The following KCNAB2 variants were observed in gnomAD, a reference collection of about 807,000 sequenced individuals.
KCNAB2 encodes potassium voltage-gated channel subfamily A regulatory beta subunit 2.
KCNAB2 carries 29 observed loss-of-function variants against 63.6 expected under a neutral mutation model. The observed-to-expected ratio is 0.46, with a 90% CI of 0.34 to 0.62. The LOEUF (loss-of-function observed/expected upper bound fraction) is 0.62, where lower values mean the gene tolerates loss of function less well. Ranked by LOEUF, KCNAB2 falls within the 20% of genes least tolerant of loss-of-function variation. KCNAB2 has a pLI of 0.01. For missense variants in KCNAB2, 359 were observed against 563.9 expected, an observed-to-expected ratio of 0.64 and a Z score of 3.68; for synonymous variants, 222 against 224.2, an observed-to-expected ratio of 0.99 and a Z score of 0.09.
chr1:6,021,248 A>G (rs532972904), intron 1 of KCNAB2, among the ~76,000 whole-genome samples: 1 of 152,030 alleles, frequency 6.6e-6, no homozygotes, highest in Non-Finnish European at 1.5e-5. Context: ...TCCACCCACC[A>G]CGGGCTCCCA....
intron 1 of KCNAB2, among the ~76,000 whole-genome samples, chr1:6,016,526 A>C (rs1658510150): frequency 6.6e-6 from 1 of 152,246 alleles, no homozygotes; most frequent in Admixed American, 6.5e-5. Flanking sequence ...AGGCGTTTTC[A>C]CGAGGCCTGT....
chr1:6,054,134 T>TA (rs1372779622), intron 2 of KCNAB2, among the ~76,000 whole-genome samples: 1 of 151,940 alleles, frequency 6.6e-6, no homozygotes, highest in East Asian at 1.9e-4. Context: ...AATGGGGCCA[T>TA]ACAAGACTAG....
At chr1:6,062,092 C>T (rs960109625) in intron 2 of KCNAB2, among the ~76,000 whole-genome samples, 32 of 152,142 alleles carry the variant, frequency 2.1e-4, no homozygotes, top group African/African-American at 7.7e-4. Context: ...GCAGGCGGAT[C>T]GCCTGAGGTC....
chr1:6,086,295 T>A lies in KCNAB2; in HGVS notation c.425+1047T>A. On this transcript the variant is annotated intron_variant, in intron 6 of 15. Transcript: ENST00000378083. The surrounding 1 kb of genome is among the most constrained non-coding windows in gnomAD (Gnocchi z 4.2). ...ACCCCTTCCTCTTGTCCCATCAAAT[T>A]TGTTTTTTGGCAACTCTGATCCCAA... 5 of 985,168 alleles carry A rather than the reference T, an allele frequency of 5.1e-6. No individual in the cohort carries two copies. The highest frequency in any genetic ancestry group is 6.0e-6 in the Non-Finnish European group (5 of 829,822). The allele number at this position is 985,168 out of a possible 1,614,324, so 61.0% of individuals were successfully genotyped here.
intron 1 of KCNAB2, among the ~76,000 whole-genome samples, chr1:6,036,730 T>C (rs1351865621): frequency 2.0e-5 from 3 of 148,932 alleles, no homozygotes. Context: ...ATCGTGTCGC[T>C]GTGTGTGGAA....
At chr1:6,008,742 T>A (rs894358185) in intron 1 of KCNAB2, among the ~76,000 whole-genome samples, 5 of 150,670 alleles carry the variant, frequency 3.3e-5, no homozygotes, top group African/African-American at 9.8e-5. Context: ...GCTGAGGGAG[T>A]GAGGCCCCCG....
At chr1:6,037,820 CA>C (rs1368593894) in intron 1 of KCNAB2, among the ~76,000 whole-genome samples, 1 of 151,278 alleles carries the variant, frequency 6.6e-6, no homozygotes, top group Non-Finnish European at 1.5e-5. Flanking sequence ...CTTGGCCTCC[CA>C]AAGTTCTGGG....
rs1007483836 is a variant in KCNAB2 at position 6,028,303 on chromosome 1, C to T, written c.-52-12214C>T. On this transcript the variant is annotated intron_variant, in intron 1 of 16. Transcript: ENST00000341524. This position sits in a 1 kb window ranked among gnomAD's most constrained non-coding sequence, Gnocchi z 4.0. ...GAGCAGTTATACCTCTTCCTGTCTC[C>T]GCTGGAAGCACAGTCACTGCCATGG... Among the ~76,000 whole-genome samples the T allele has an allele frequency of 2.0e-5, 3 of 152,214 alleles. No homozygotes were observed. Among genetic ancestry groups the T allele is most frequent in the Non-Finnish European group, 2.9e-5 (2 of 68,042 alleles).
At chr1:6,064,972 G>A (rs1662618057) in intron 2 of KCNAB2, among the ~76,000 whole-genome samples, 1 of 152,198 alleles carries the variant, frequency 6.6e-6, no homozygotes, top group Non-Finnish European at 1.5e-5. Flanking sequence ...TACTGGGAGT[G>A]TTGGAATCTC....
In KCNAB2 at chr1:6,073,763, C is replaced by T; in HGVS notation, c.293C>T (p.Thr98Ile). The T allele has an allele frequency of 6.2e-7, 1 of 1,614,146 alleles. No homozygotes were observed. The highest frequency in any genetic ancestry group is 8.5e-7 in the Non-Finnish European group (1 of 1,179,990). The change falls in exon 4 of 16, where the codon ACC (threonine) becomes ATC (isoleucine). Residue 98 changes from threonine to isoleucine, a missense_variant. Around this residue, in one of 2 missense-constraint regions of KCNAB2, gnomAD observed 271 missense variants for 476.1 expected, o/e 0.57. Coordinates refer to ENST00000378083, the MANE Select transcript of KCNAB2 (RefSeq NM_001199862.2). This position sits in a 1 kb window ranked among gnomAD's most constrained non-coding sequence, Gnocchi z 5.7. Reference protein sequence around the residue: ...GTWVTFGGQITDEMAEQLMTL... With the variant: ...GTWVTFGGQIIDEMAEQLMTL... ...TGGGTGACCTTCGGAGGCCAGATCA[C>T]CGATGAGGTAAGATGGGGCTCTCCC...
Position 6,091,279 on chromosome 1 carries a change from C to T in KCNAB2, c.618C>T (p.Ser206=). 6.5e-7 allele frequency: 1 copy of T among 1,534,060 alleles called. No homozygotes were observed. Residue 206 remains serine (S), a synonymous_variant, in exon 10 of 16, where the codon TCC becomes TCT. Coordinates refer to ENST00000378083, the MANE Select transcript of KCNAB2 (RefSeq NM_001199862.2). ...NTPMEGDPFS[S]SKSRTFIIEE... ...TATCACCAGGGGACCCATTTAGTTC[C>T]TCCAAGTCAAGGACATTCATCATAG...
Position 6,090,563 on chromosome 1 carries a change from C to A in KCNAB2, c.601+88C>A, listed in dbSNP as rs544645871. ...GGGTTGTAGAGGCCGCCAGCATGGG[C>A]CCTGCTGGGCACCCGGGTGAGCCGT... On this transcript the variant is annotated intron_variant, in intron 9 of 15. Transcript: ENST00000378083. 1.4e-3 allele frequency: 1,365 copies of A among 1,001,512 alleles called. 10 individuals are homozygous for A. The highest frequency in any genetic ancestry group is 9.7e-4 in the Non-Finnish European group (639 of 656,080). The allele number at this position is 1,001,512 out of a possible 1,614,324, so 62.0% of individuals were successfully genotyped here.
At chr1:6,012,050 GGGTGGAGGTGATGAA>G (rs1331736362) in intron 1 of KCNAB2, among the ~76,000 whole-genome samples, 262 of 151,576 alleles carry the variant, frequency 1.7e-3, no homozygotes, top group African/African-American at 4.6e-3. Flanking sequence ...TGGAGGTGGT[GGGTGGAGGTGATGAA>G]GGTGGAGGTG....
Position 6,095,575 on chromosome 1 carries a change from CTGGCAAGTACGACAG to C in KCNAB2, c.905_919del (p.Lys302_Gly306del). On this transcript the variant is annotated inframe_deletion, in exon 13 of 16. Transcript: ENST00000378083. Reference sequence around the variant, plus strand: ...TCCCCTCTGGCCTGTGGCATTGTTTCTGGCAAGTACGACAGTGGCATCCCACCCTACTCAAGAGCC... The same window carrying C: ...TCCCCTCTGGCCTGTGGCATTGTTTCTGGCATCCCACCCTACTCAAGAGCC... The C allele has an allele frequency of 6.2e-7, 1 of 1,611,594 alleles. No homozygotes were observed. The highest frequency in any genetic ancestry group is 8.5e-7 in the Non-Finnish European group (1 of 1,178,952).
At chr1:6,054,758 A>G (rs1661668470) in intron 2 of KCNAB2, among the ~76,000 whole-genome samples, 2 of 152,212 alleles carry the variant, frequency 1.3e-5, no homozygotes, top group Non-Finnish European at 2.9e-5. Context: ...AAAGTGACCA[A>G]TTAGAGGCTG....
chr1:6,066,985 G>A (rs969613554), intron 2 of KCNAB2, among the ~76,000 whole-genome samples: 1 of 152,224 alleles, frequency 6.6e-6, no homozygotes, highest in Non-Finnish European at 1.5e-5. Flanking sequence ...CAGGAGCAGG[G>A]CCTCCCTCCT....
At chr1:6,029,682 T>G (rs1181049534), upstream of KCNAB2, among the ~76,000 whole-genome samples, 1 of 152,278 alleles carries the variant, frequency 6.6e-6, no homozygotes, top group African/African-American at 2.4e-5. Flanking sequence ...ATTTTACAGA[T>G]GGAGAAACTG....
At chr1:6,097,721 A>G in intron 15 of KCNAB2, 1 of 474,956 alleles carries the variant, frequency 2.1e-6, no homozygotes, top group African/African-American at 2.0e-5. Flanking sequence ...GATGCGGAGT[A>G]AGTCACGCAA....
intron 9 of KCNAB2, 131 bp downstream of exon 9, chr1:6,090,606 A>T: frequency 2.2e-4 from 139 of 646,180 alleles, no homozygotes; most frequent in Middle Eastern, 4.4e-4. Flanking sequence ...GGCCGGGTCC[A>T]GGGTGGGGGG....
Sources: allele counts gnomAD v4.1 joint callset (sites outside exome capture counted in the v4.1 genomes callset), GRCh38; gene constraint gnomAD v4.1.1; regional missense constraint gnomAD v4.1.1; non-coding constraint Gnocchi (gnomAD v3.1); transcripts MANE v1.5; gene names NCBI Gene and HGNC (gene_info 2026-07-23, HGNC 2026-07-21).